Variants in DIS3L2 observed in about 807,000 individuals in gnomAD.
The protein encoded by DIS3L2 is DIS3-like exonuclease 2.
Under a neutral mutation model 97.5 loss-of-function variants are expected in DIS3L2, and 34 were observed. That is an observed-to-expected ratio of 0.35 (90% confidence interval 0.27 to 0.46). DIS3L2 has a LOEUF of 0.46. Ranked by LOEUF, DIS3L2 falls within the 20% of genes least tolerant of loss-of-function variation. DIS3L2 has a pLI of 1.00. For missense variants in DIS3L2, 1,038 were observed against 1,146.0 expected (o/e 0.91, Z 1.36); for synonymous variants, 435 against 445.2 (o/e 0.98, Z 0.29).
At chr2:232,263,516 C>A in intron 13 of DIS3L2, 76 bp downstream of exon 13, 1 of 1,387,972 alleles carries the variant, frequency 7.2e-7, no homozygotes, top group Non-Finnish European at 1.0e-6. Context: ...CGCAGCTTGG[C>A]AGGCTTAGAC....
intron 13 of DIS3L2, among the ~76,000 whole-genome samples, chr2:232,342,711 C>T (rs1329660311): frequency 6.6e-6 from 1 of 152,188 alleles, no homozygotes; most frequent in African/African-American, 2.4e-5. Flanking sequence ...CTACTTAAAG[C>T]CTCAAGTAGC....
intron 13 of DIS3L2, among the ~76,000 whole-genome samples, chr2:232,279,711 A>G (rs1264448837): frequency 2.6e-5 from 4 of 152,070 alleles, no homozygotes; most frequent in Non-Finnish European, 5.9e-5. Context: ...TTATATTTTT[A>G]GTAGAGATGA....
intron 6 of DIS3L2, among the ~76,000 whole-genome samples, chr2:232,125,252 T>C (rs1698026391): frequency 6.6e-6 from 1 of 152,256 alleles, no homozygotes; most frequent in African/African-American, 2.4e-5. Context: ...GCATGTGCTT[T>C]CAAAATTTGT....
At chr2:232,046,507 CAT>C (rs1012957658) in intron 5 of DIS3L2, among the ~76,000 whole-genome samples, 1 of 152,164 alleles carries the variant, frequency 6.6e-6, no homozygotes, top group Non-Finnish European at 1.5e-5. Context: ...AAAGGAGGAA[CAT>C]ATATATGACA....
chr2:232,316,173 C>T (rs978754658), intron 14 of DIS3L2, among the ~76,000 whole-genome samples: 2 of 152,156 alleles, frequency 1.3e-5, no homozygotes, highest in African/African-American at 2.4e-5. Context: ...TCCTGGGCAG[C>T]GGCTCATCAG....
chr2:232,186,186 T>G (rs1385317294), intron 9 of DIS3L2, among the ~76,000 whole-genome samples: 1 of 152,136 alleles, frequency 6.6e-6, no homozygotes, highest in Admixed American at 6.5e-5. Flanking sequence ...GCGAGATTGA[T>G]GGATAAACGG....
intron 10 of DIS3L2, among the ~76,000 whole-genome samples, chr2:232,229,023 A>G (rs79057767): frequency 0.021 from 3,165 of 152,300 alleles, 46 homozygotes; most frequent in Non-Finnish European, 0.033. Context: ...GCCTCTAAAG[A>G]TCATCACTGA....
rs76034486 is a variant in DIS3L2 at position 232,189,990 on chromosome 2, G to A, written c.1125-20336G>A. Among the ~76,000 whole-genome samples, 309 of 152,278 alleles carry A rather than the reference G, an allele frequency of 2.0e-3. 12 individuals carry two copies. The East Asian group carries it at 0.053, about 26-fold the overall frequency. ...TTTGGAGCAGGTGAAGTTTGAACTC[G>A]GCTTTGAAGGAGGAATAGGATTTTA... On this transcript the variant is annotated intron_variant, in intron 9 of 20. Coordinates refer to ENST00000325385, the MANE Select transcript of DIS3L2 (RefSeq NM_152383.5).
chr2:231,975,180 C>A (rs1237310122), intron 1 of DIS3L2, among the ~76,000 whole-genome samples: 1 of 152,030 alleles, frequency 6.6e-6, no homozygotes, highest in African/African-American at 2.4e-5. Context: ...TATGCCCATG[C>A]CAGAGTGCCA....
At chr2:232,078,005 C>T (rs183205955) in intron 5 of DIS3L2, among the ~76,000 whole-genome samples, 156 of 119,142 alleles carry the variant, frequency 1.3e-3, no homozygotes, top group Admixed American at 3.4e-3. Flanking sequence ...TTCTTTCTTT[C>T]TTTCTTTCTT....
chr2:232,301,551 C>T (rs1323020837), intron 14 of DIS3L2, among the ~76,000 whole-genome samples: 3 of 152,186 alleles, frequency 2.0e-5, no homozygotes, highest in African/African-American at 4.8e-5. Flanking sequence ...ACCACATCTC[C>T]ACTGGGATTA....
At chr2:232,166,821 G>A (rs577929108) in intron 9 of DIS3L2, among the ~76,000 whole-genome samples, 1 of 152,118 alleles carries the variant, frequency 6.6e-6, no homozygotes, top group African/African-American at 2.4e-5. Context: ...AGGAGTTGGA[G>A]ACCAGCGTGG....
At chr2:232,076,076 T>G (rs148805040) in intron 5 of DIS3L2, among the ~76,000 whole-genome samples, 30 of 152,318 alleles carry the variant, frequency 2.0e-4, no homozygotes, top group Middle Eastern at 3.4e-3. Flanking sequence ...GCTTTCACAC[T>G]TCACTGACTT....
intron 1 of DIS3L2, among the ~76,000 whole-genome samples, chr2:231,966,827 G>A (rs1692734321): frequency 6.6e-6 from 1 of 151,614 alleles, no homozygotes; most frequent in Admixed American, 6.6e-5. Context: ...AACTGAGAGT[G>A]GTGGTAGAAT....
At chr2:232,220,373 G>A (rs1692464033) in intron 10 of DIS3L2, among the ~76,000 whole-genome samples, 1 of 151,824 alleles carries the variant, frequency 6.6e-6, no homozygotes, top group Admixed American at 6.6e-5. Flanking sequence ...CAAACACCAA[G>A]TATCTCTTCA....
At position 232,329,805 on chromosome 2, in the gene DIS3L2, C is replaced by CCT; in HGVS notation, c.1740-8_1740-7insCT. 1 of 1,410,246 alleles carries CCT rather than the reference C, an allele frequency of 7.1e-7. No homozygotes were observed. Among genetic ancestry groups the CCT allele is most frequent in the African/African-American group, 1.5e-5 (1 of 68,238 alleles). 87.4% of individuals were successfully genotyped at this position (1,410,246 alleles called of 1,614,324 possible). A position where few individuals can be genotyped will look rare whatever the true frequency, so the allele number is the denominator to read the frequency against. On this transcript the variant is annotated splice_region_variant and splice_polypyrimidine_tract_variant and intron_variant, in intron 14 of 20. Transcript: ENST00000325385. Reference sequence around the variant, plus strand: ...AGCGGTCCCTCCCATCCCACCCACCCTCTGCAGGCTCGTGGAGGAGTTCAT... The same window carrying CCT: ...AGCGGTCCCTCCCATCCCACCCACCCCTTCTGCAGGCTCGTGGAGGAGTTCAT...
At chr2:231,983,784 G>C (rs190688375) in intron 1 of DIS3L2, among the ~76,000 whole-genome samples, 2 of 152,056 alleles carry the variant, frequency 1.3e-5, no homozygotes, top group East Asian at 3.9e-4. Context: ...AGCTACTCAG[G>C]AGGCTGAGGC....
chr2:232,259,231 A>G (rs944455521), intron 12 of DIS3L2, among the ~76,000 whole-genome samples: 3 of 152,000 alleles, frequency 2.0e-5, no homozygotes, highest in African/African-American at 7.2e-5. Context: ...TGGTGTTCCT[A>G]TGTGCTGTTA....
chr2:232,128,289 T>G (rs976715492), intron 6 of DIS3L2, among the ~76,000 whole-genome samples: 1 of 152,052 alleles, frequency 6.6e-6, no homozygotes, highest in Admixed American at 6.5e-5. Flanking sequence ...ATTATTTATA[T>G]GATATTCCCA....
Sources: gnomAD v4.1 joint callset for allele counts (sites outside exome capture counted in the v4.1 genomes callset) on GRCh38, gnomAD v4.1.1 for gene constraint, MANE v1.5 for transcripts, NCBI Gene and HGNC (gene_info 2026-07-23, HGNC 2026-07-21) for gene names.